The following HSD17B4 variants were observed in gnomAD, a reference collection of about 807,000 sequenced individuals.
HSD17B4 encodes hydroxysteroid 17-beta dehydrogenase 4.
A neutral mutation model predicts 101.0 loss-of-function variants in HSD17B4; 70 were observed. The ratio of observed to expected loss-of-function variants is 0.69; its 90% CI spans 0.57 to 0.85. The LOEUF (loss-of-function observed/expected upper bound fraction) is 0.85. Among genes scored for constraint, HSD17B4 ranks in the 40% least tolerant of loss-of-function variants. The probability of loss-of-function intolerance (pLI) is 0.00; values close to 1 mark genes in which losing one functional copy is unlikely to be tolerated. For synonymous variants in HSD17B4, 347 were observed against 297.1 expected (o/e 1.17, Z -1.73); for missense variants, 984 against 892.4 (o/e 1.10, Z -1.31).
At chr5:119,533,888 G>A (rs1416700560) in intron 22 of HSD17B4, among the ~76,000 whole-genome samples, 1 of 152,032 alleles carries the variant, frequency 6.6e-6, no homozygotes, top group Non-Finnish European at 1.5e-5. Flanking sequence ...CCATTTGTCT[G>A]TAAACAAAAT....
chr5:119,513,195 C>T (rs1752325466), intron 16 of HSD17B4, among the ~76,000 whole-genome samples: 2 of 152,194 alleles, frequency 1.3e-5, no homozygotes, highest in African/African-American at 4.8e-5. Context: ...GCAAGTTGTG[C>T]AATGCAGAAA....
intron 2 of HSD17B4, chr5:119,471,561 T>G: frequency 3.5e-6 from 2 of 568,436 alleles, no homozygotes; most frequent in Non-Finnish European, 5.4e-6. Flanking sequence ...AAAAAAATTG[T>G]GTTAATCATA....
intron 2 of HSD17B4, among the ~76,000 whole-genome samples, chr5:119,465,128 G>C (rs1246107295): frequency 6.6e-6 from 1 of 151,916 alleles, no homozygotes; most frequent in Non-Finnish European, 1.5e-5. Context: ...AGATTGCATT[G>C]AACCTGTAGA....
At chr5:119,519,236 A>G (rs1752905839) in intron 17 of HSD17B4, among the ~76,000 whole-genome samples, 1 of 152,226 alleles carries the variant, frequency 6.6e-6, no homozygotes, top group African/African-American at 2.4e-5. Context: ...GCAATAATCT[A>G]GACAGACCAA....
chr5:119,510,120 A>T (rs1459078532), intron 16 of HSD17B4, among the ~76,000 whole-genome samples: 1 of 152,162 alleles, frequency 6.6e-6, no homozygotes, highest in Non-Finnish European at 1.5e-5. Context: ...GTGTTCCTTG[A>T]ATTTGAAGTG....
At chr5:119,466,319 T>G (rs746151046) in intron 2 of HSD17B4, among the ~76,000 whole-genome samples, 1 of 152,196 alleles carries the variant, frequency 6.6e-6, no homozygotes, top group Non-Finnish European at 1.5e-5. Flanking sequence ...GCCCACCTCA[T>G]AGAATGAGTT....
In HSD17B4 at chr5:119,502,072, A is replaced by C; in HGVS notation, c.1241A>C (p.Tyr414Ser). ...CATGGAGAGCAGTACTTAGAGTTAT[A>C]TAAACCACTTCCCAGAGCAGGTGAG... is the stretch of plus-strand genomic sequence containing the variant. ...VLHGEQYLEL[Y>S]KPLPRAGKLK... The change falls in exon 14 of 24, where the codon TAT (tyrosine) becomes TCT (serine). Residue 414 changes from tyrosine to serine, a missense_variant. Tyr to Ser is a moderately radical substitution (Grantham distance 144, BLOSUM62 -2). Transcript: ENST00000510025. 6.2e-7 allele frequency: 1 copy of C among 1,604,382 alleles called. No individual in the cohort carries two copies. Among genetic ancestry groups the C allele is most frequent in the Non-Finnish European group, 8.5e-7 (1 of 1,171,298 alleles).
Position 119,454,532 on chromosome 5 carries a change from C to G in HSD17B4, c.59-1783C>G, listed in dbSNP as rs144061574. ...TGTTGCCCAGGCTGGTCTCAAACTCCTGGCCTCAAGTGATCCTTCTGCTTG... is the reference window on the plus strand; with the variant it reads ...TGTTGCCCAGGCTGGTCTCAAACTCGTGGCCTCAAGTGATCCTTCTGCTTG... On this transcript the variant is annotated intron_variant, in intron 1 of 23. Coordinates refer to ENST00000510025, the MANE Select transcript of HSD17B4 (RefSeq NM_000414.4). 8.9e-4 allele frequency among the ~76,000 whole-genome samples: 136 copies of G among 152,180 alleles called. 1 individual carries two copies. Among genetic ancestry groups the G allele is most frequent in the African/African-American group, 3.2e-3 (132 of 41,536 alleles).
intron 14 of HSD17B4, 119 bp from the exon 15 acceptor site, chr5:119,506,699 A>G: frequency 1.6e-6 from 1 of 610,892 alleles, no homozygotes; most frequent in South Asian, 1.7e-5. Context: ...ACACTATTTC[A>G]AACCATAGTT....
intron 11 of HSD17B4, among the ~76,000 whole-genome samples, chr5:119,494,825 A>C (rs72788177): frequency 0.1 from 15,540 of 152,126 alleles, 1,076 homozygotes; most frequent in African/African-American, 0.2. Flanking sequence ...TGAATTATTT[A>C]ATCTCCTGTT....
chr5:119,465,596 G>C (rs531427738), intron 2 of HSD17B4, among the ~76,000 whole-genome samples: 7 of 152,174 alleles, frequency 4.6e-5, no homozygotes, highest in Non-Finnish European at 1.0e-4. Flanking sequence ...CCCAGCCTCA[G>C]GTATTTCCTA....
intron 2 of HSD17B4, among the ~76,000 whole-genome samples, chr5:119,465,193 G>A (rs888864970): frequency 1.3e-5 from 2 of 152,078 alleles, no homozygotes; most frequent in African/African-American, 4.8e-5. Flanking sequence ...ATCCATGAAT[G>A]GGTTAATTTA....
rs1331148585 is a variant in HSD17B4, at chr5:119,494,341, CT to C, written c.868+398del. 3.2e-3 allele frequency among the ~76,000 whole-genome samples: 455 copies of C among 144,282 alleles called. 2 individuals carry two copies. The highest frequency in any genetic ancestry group is 0.014 in the Middle Eastern group (4 of 284). 94.7% of individuals were successfully genotyped at this position (144,282 alleles called of 152,430 possible). A position where few individuals can be genotyped will look rare whatever the true frequency, so the allele number is the denominator to read the frequency against. On this transcript the variant is annotated intron_variant, in intron 11 of 23. Transcript: ENST00000510025. ...CTTTCTTTCTTTTCTTTCTTTCTTT[CT>C]TTCTTTCTTTCTTTCTTTCTTTCTT...
At chr5:119,473,273 C>CTTTTTTTTTTT (rs11408993) in intron 2 of HSD17B4, among the ~76,000 whole-genome samples, 25 of 36,930 alleles carry the variant, frequency 6.8e-4, no homozygotes, top group East Asian at 6.5e-3. Flanking sequence ...GTGGATGAAT[C>CTTTTTTTTTTT]TTTTTTTTTT....
intron 12 of HSD17B4, among the ~76,000 whole-genome samples, chr5:119,498,591 TGAGG>T (rs149012015): frequency 0.1 from 15,316 of 152,260 alleles, 935 homozygotes; most frequent in South Asian, 0.15. Flanking sequence ...CTTAACATTA[TGAGG>T]GACTGGGCGC....
intron 22 of HSD17B4, among the ~76,000 whole-genome samples, chr5:119,532,454 A>G (rs1465267134): frequency 6.6e-6 from 1 of 152,112 alleles, no homozygotes; most frequent in Non-Finnish European, 1.5e-5. Context: ...ATAGTTTTAG[A>G]AAATAGTATG....
At chr5:119,472,774 C>T (rs1017389122) in intron 2 of HSD17B4, among the ~76,000 whole-genome samples, 4 of 152,202 alleles carry the variant, frequency 2.6e-5, no homozygotes, top group East Asian at 1.9e-4. Context: ...TATCAACTCT[C>T]CATTTCCAGC....
intron 21 of HSD17B4, among the ~76,000 whole-genome samples, chr5:119,530,515 A>G (rs777633371): frequency 2.0e-5 from 3 of 151,892 alleles, no homozygotes; most frequent in Admixed American, 6.6e-5. Context: ...CATAAACCAT[A>G]TAACTGACTG....
At chr5:119,492,072 TATA>T (rs1377384539) in intron 9 of HSD17B4, 25 bp from the exon 10 acceptor site, 1 of 1,581,412 alleles carries the variant, frequency 6.3e-7, no homozygotes, top group East Asian at 2.2e-5. Flanking sequence ...CATTAGATGG[TATA>T]ATGTTTTCCC....
Sources: gnomAD v4.1 joint callset for allele counts (sites outside exome capture counted in the v4.1 genomes callset) on GRCh38, gnomAD v4.1.1 for gene constraint, MANE v1.5 for transcripts, NCBI Gene and HGNC (gene_info 2026-07-23, HGNC 2026-07-21) for gene names.